The following PCDHGA5 variants were observed in gnomAD, a reference collection of about 807,000 sequenced individuals.
The protein encoded by PCDHGA5 is protocadherin gamma-A5.
Under a neutral mutation model 56.7 loss-of-function variants are expected in PCDHGA5, and 36 were observed. The observed-to-expected ratio is 0.64, with a 90% CI of 0.49 to 0.84. The LOEUF is 0.84. Among genes scored for constraint, PCDHGA5 ranks in the 40% least tolerant of loss-of-function variants. The probability of loss-of-function intolerance (pLI) is 0.00; values close to 1 mark genes in which losing one functional copy is unlikely to be tolerated. For synonymous variants in PCDHGA5, 563 were observed against 520.2 expected, an observed-to-expected ratio of 1.08 and a Z score of -1.12; for missense variants, 1,305 against 1,201.5, an observed-to-expected ratio of 1.09 and a Z score of -1.27.
At position 141,471,055 on chromosome 5, in the gene PCDHGA5, T is replaced by C. The variant is rs1229791864; in HGVS notation, c.2422-23752T>C. Reference sequence around the variant, plus strand: ...AACAAGCCCAAGCCCTCTTTTTTTTTTTTTTTTTTTTGAGACAGGGTCTCC... The same window carrying C: ...AACAAGCCCAAGCCCTCTTTTTTTTCTTTTTTTTTTTGAGACAGGGTCTCC... On this transcript the variant is annotated intron_variant, in intron 1 of 3. Coordinates refer to ENST00000518069, the MANE Select transcript of PCDHGA5 (RefSeq NM_018918.3). Among the ~76,000 whole-genome samples the C allele has an allele frequency of 1.7e-4, 25 of 148,764 alleles. 2 individuals are homozygous for C. The Admixed American group carries it at 1.7e-3, about 10-fold the overall frequency.
intron 1 of PCDHGA5, chr5:141,410,815 T>C: frequency 1.8e-6 from 1 of 553,722 alleles, no homozygotes; most frequent in Non-Finnish European, 2.9e-6. Context: ...TTTTGTAAAA[T>C]AATGTCACCA....
At chr5:141,370,375 G>T in intron 1 of PCDHGA5, 2 of 1,527,984 alleles carry the variant, frequency 1.3e-6, no homozygotes. Context: ...ATTTAGAAAG[G>T]CAAAGGCGCA....
intron 1 of PCDHGA5, among the ~76,000 whole-genome samples, chr5:141,461,119 C>T (rs959427669): frequency 6.6e-6 from 1 of 152,016 alleles, no homozygotes; most frequent in Admixed American, 6.6e-5. Flanking sequence ...GTGTCTTTTT[C>T]ATATAATTAC....
intron 1 of PCDHGA5, chr5:141,478,160 GC>G (rs764598056): frequency 1.9e-6 from 3 of 1,613,964 alleles, no homozygotes; most frequent in Non-Finnish European, 2.5e-6. Flanking sequence ...CTCTGGCTCT[GC>G]CCCCCGGGAG....
At chr5:141,437,944 G>A (rs576107104) in intron 1 of PCDHGA5, among the ~76,000 whole-genome samples, 1 of 152,178 alleles carries the variant, frequency 6.6e-6, no homozygotes, top group South Asian at 2.1e-4. Flanking sequence ...CACCATATTG[G>A]CCAGAATGGT....
chr5:141,399,081 G>A (rs1336220348), intron 1 of PCDHGA5: 2 of 1,613,758 alleles, frequency 1.2e-6, no homozygotes, highest in African/African-American at 1.3e-5. Context: ...TAGAAGGGAG[G>A]GATGGTGGTG....
rs747156698 is a variant in PCDHGA5 at position 141,385,112 on chromosome 5, C to T, written c.2421+18361C>T. ...GGTGGCTTGGCGAACGTGCCCACCT[C>T]GCACTTTGTGGGCATGGACGGGGTG... On this transcript the variant is annotated intron_variant, in intron 1 of 3. Coordinates refer to ENST00000518069, the MANE Select transcript of PCDHGA5 (RefSeq NM_018918.3). 6 of 1,614,200 alleles carry T rather than the reference C, an allele frequency of 3.7e-6. No homozygotes were observed. The highest frequency in any genetic ancestry group is 2.7e-5 in the African/African-American group (2 of 75,070).
chr5:141,421,019 C>T, intron 1 of PCDHGA5: 1 of 516,402 alleles, frequency 1.9e-6, no homozygotes, highest in Non-Finnish European at 3.4e-6. Flanking sequence ...TGGGAAGCTG[C>T]GCGCCATTGA....
At chr5:141,504,462 G>A (rs1375731108) in intron 2 of PCDHGA5, among the ~76,000 whole-genome samples, 5 of 152,074 alleles carry the variant, frequency 3.3e-5, no homozygotes, top group African/African-American at 9.7e-5. Flanking sequence ...TGGGGCAGCC[G>A]CTGGGATGGG....
chr5:141,424,776 A>G (rs1406581367), intron 1 of PCDHGA5: 2 of 152,154 alleles, frequency 1.3e-5, no homozygotes, highest in African/African-American at 4.8e-5. Context: ...CAAATAGTAC[A>G]TTCAGTTCTT....
At chr5:141,376,294 C>A in intron 1 of PCDHGA5, 4 of 1,614,226 alleles carry the variant, frequency 2.5e-6, no homozygotes, top group Non-Finnish European at 3.4e-6. Flanking sequence ...GCATGCCCGG[C>A]TCGCACTTTG....
intron 1 of PCDHGA5, among the ~76,000 whole-genome samples, chr5:141,444,395 T>A (rs960583048): frequency 1.3e-5 from 2 of 151,996 alleles, no homozygotes; most frequent in Non-Finnish European, 2.9e-5. Context: ...AGTCTTGAAC[T>A]CCCAACCTCA....
chr5:141,448,545 A>T lies in PCDHGA5; in HGVS notation c.2422-46262A>T, dbSNP rs537259621. On this transcript the variant is annotated intron_variant, in intron 1 of 3. Coordinates refer to ENST00000518069, the MANE Select transcript of PCDHGA5 (RefSeq NM_018918.3). ...AGCATCCTGTCAGCATTTCTTATGC[A>T]AATATGTACATATATTTTTATTTCC... 1.5e-4 allele frequency among the ~76,000 whole-genome samples: 23 copies of T among 152,334 alleles called. 1 individual carries two copies. The South Asian group carries it at 2.7e-3, about 18-fold the overall frequency.
chr5:141,487,695 C>T lies in PCDHGA5; in HGVS notation c.2422-7112C>T, dbSNP rs1345224043. The stretch of plus-strand genomic sequence containing the variant: ...TGGCTAGGCCATGTCCTAGAGAGTA[C>T]TGGCCTCTCAGTAAGTGCCCATAGT... On this transcript the variant is annotated intron_variant, in intron 1 of 3. Coordinates refer to ENST00000518069, the MANE Select transcript of PCDHGA5 (RefSeq NM_018918.3). The surrounding 1 kb of genome is among the most constrained non-coding windows in gnomAD (Gnocchi z 5.0). 2 of 1,601,306 alleles carry T rather than the reference C, an allele frequency of 1.2e-6. No individual in the cohort carries two copies. Among genetic ancestry groups the T allele is most frequent in the East Asian group, 2.2e-5 (1 of 44,606 alleles).
chr5:141,415,760 T>G (rs779762678), intron 1 of PCDHGA5: 355 of 1,388,296 alleles, frequency 2.6e-4, no homozygotes, highest in East Asian at 7.0e-4. Flanking sequence ...TTTTTTTTTT[T>G]TTTTTTTTTT....
In PCDHGA5 at chr5:141,486,269, G is replaced by T; in HGVS notation, c.2422-8538G>T. 6.2e-7 allele frequency: 1 copy of T among 1,613,996 alleles called. No homozygotes were observed. The highest frequency in any genetic ancestry group is 8.5e-7 in the Non-Finnish European group (1 of 1,179,956). On this transcript the variant is annotated intron_variant, in intron 1 of 3. Transcript: ENST00000518069. The surrounding 1 kb of genome is among the most constrained non-coding windows in gnomAD (Gnocchi z 5.0). ...AACCCTCCCCGAGAGTGCAGAACCT[G>T]GCACTGTGGTGGCACTTATCAGTGT...
Position 141,505,409 on chromosome 5 carries a change from G to T in PCDHGA5, c.2497G>T (p.Asp833Tyr). The change falls in exon 3 of 4, where the codon GAC (aspartate) becomes TAC (tyrosine). Residue 833 changes from aspartate to tyrosine, a missense_variant. Asp to Tyr is a radical substitution (Grantham distance 160). Transcript: ENST00000518069. ...PGTSGSQNGD[D>Y]TGTWPNNQFD... Reference sequence around the variant, plus strand: ...TCTCCCCAGCTCCCAAAATGGCGATGACACCGGCACCTGGCCCAACAACCA... The same window carrying T: ...TCTCCCCAGCTCCCAAAATGGCGATTACACCGGCACCTGGCCCAACAACCA... 6.2e-7 allele frequency: 1 copy of T among 1,614,200 alleles called. No individual in the cohort carries two copies. Among genetic ancestry groups the T allele is most frequent in the Non-Finnish European group, 8.5e-7 (1 of 1,180,048 alleles).
At position 141,366,562 on chromosome 5, in the gene PCDHGA5, T is replaced by C. The variant is rs767375100; in HGVS notation, c.2232T>C (p.Asp744=). The C allele has an allele frequency of 1.3e-5, 21 of 1,614,112 alleles. No individual in the cohort carries two copies. The highest frequency in any genetic ancestry group is 1.7e-5 in the Non-Finnish European group (20 of 1,180,052). Residue 744 remains aspartate (D), a synonymous_variant, in exon 1 of 4, where the codon GAT becomes GAC. Transcript: ENST00000518069. ...GVPASHFVGV[D]GVRAFLQTYS... is the part of the protein sequence containing the mutation. ...CCGCCTCGCACTTTGTGGGCGTGGA[T>C]GGGGTTCGGGCTTTCCTGCAGACCT...
chr5:141,427,192 A>G (rs1191677237), intron 1 of PCDHGA5: 2 of 456,566 alleles, frequency 4.4e-6, no homozygotes, highest in African/African-American at 4.0e-5. Flanking sequence ...AAATCCAAAG[A>G]CTTAATAGAC....
Sources: allele counts gnomAD v4.1 joint callset (sites outside exome capture counted in the v4.1 genomes callset), GRCh38; gene constraint gnomAD v4.1.1; non-coding constraint Gnocchi (gnomAD v3.1); transcripts MANE v1.5; gene names NCBI Gene and HGNC (gene_info 2026-07-23, HGNC 2026-07-21).